Variants in NCLN observed in about 807,000 individuals in gnomAD.
NCLN encodes the protein BOS complex subunit NCLN.
In NCLN, 34 loss-of-function variants were observed where a neutral mutation model predicts 69.5. That is an observed-to-expected ratio of 0.49 (90% CI 0.37 to 0.65). The LOEUF (loss-of-function observed/expected upper bound fraction) is 0.65, where lower values mean the gene tolerates loss of function less well. Ranked by LOEUF, NCLN falls within the 30% of genes least tolerant of loss-of-function variation. The pLI is 0.00. For missense variants in NCLN, 710 were observed against 804.8 expected (o/e 0.88, Z 1.42); for synonymous variants, 393 against 358.3 (o/e 1.10, Z -1.09).
chr19:3,196,931 G>A (rs926444615), intron 4 of NCLN, among the ~76,000 whole-genome samples: 2 of 152,264 alleles, frequency 1.3e-5, no homozygotes, highest in Non-Finnish European at 2.9e-5. Context: ...TGTCGGGGGA[G>A]CCCTGAACAA....
Position 3,192,599 on chromosome 19 carries a change from C to T in NCLN, c.314C>T (p.Ala105Val), listed in dbSNP as rs557023365. ...TACCAGAAGGCCCTGCGGCAGTCGG[C>T]GGGCGCCGTGGTCATCATCCTGCCC... ...EQYQKALRQSAGAVVIILPRA... is the reference protein window; with the variant it reads ...EQYQKALRQSVGAVVIILPRA... The change falls in exon 2 of 15, where the codon GCG becomes GTG. Residue 105 changes from alanine (A) to valine (V), a missense_variant. By Grantham distance (64) the Ala-to-Val change is moderately conservative. Coordinates refer to ENST00000246117, the MANE Select transcript of NCLN (RefSeq NM_020170.4). 2.2e-4 allele frequency: 350 copies of T among 1,604,204 alleles called. No individual in the cohort carries two copies. Among genetic ancestry groups the T allele is most frequent in the Non-Finnish European group, 2.7e-4 (317 of 1,174,936 alleles).
chr19:3,200,602 GC>G (rs1160535968), intron 5 of NCLN, among the ~76,000 whole-genome samples: 4 of 152,252 alleles, frequency 2.6e-5, no homozygotes, highest in African/African-American at 9.6e-5. Context: ...GAGCCACCGA[GC>G]CCAGGCAAAT....
chr19:3,206,871 G>C (rs1916284804), intron 12 of NCLN, among the ~76,000 whole-genome samples: 1 of 152,124 alleles, frequency 6.6e-6, no homozygotes, highest in Admixed American at 6.5e-5. Flanking sequence ...ACCCAGGCTG[G>C]AGTGCAGTGG....
chr19:3,200,336 G>A (rs972159413), intron 5 of NCLN, among the ~76,000 whole-genome samples: 2 of 128,384 alleles, frequency 1.6e-5, no homozygotes, highest in African/African-American at 6.1e-5. Flanking sequence ...TTTTGAGACG[G>A]AGTCTCGCTC....
At position 3,207,046 on chromosome 19, in the gene NCLN, A is replaced by T. The variant is rs1916288638; in HGVS notation, c.1500-152A>T. 5 of 870,736 alleles carry T rather than the reference A, an allele frequency of 5.7e-6. No homozygotes were observed. Among genetic ancestry groups the T allele is most frequent in the Non-Finnish European group, 9.4e-6 (5 of 530,164 alleles). 53.9% of individuals were successfully genotyped at this position (870,736 alleles called of 1,614,324 possible). On this transcript the variant is annotated intron_variant, in intron 12 of 14. Transcript: ENST00000246117. ...ACCGTGTTGGCCAGGTTGGTCTTGAACTCTTGACTTCAAGTGATCCGCCTG... is the reference window on the plus strand; with the variant it reads ...ACCGTGTTGGCCAGGTTGGTCTTGATCTCTTGACTTCAAGTGATCCGCCTG...
At position 3,196,245 on chromosome 19, in the gene NCLN, G is replaced by A; in HGVS notation, c.583G>A (p.Ala195Thr). Residue 195 changes from alanine to threonine, a missense_variant, in exon 4 of 15, where the codon GCC becomes ACC. By Grantham distance (58) the Ala-to-Thr change is moderately conservative. Coordinates refer to ENST00000246117, the MANE Select transcript of NCLN (RefSeq NM_020170.4). The part of the protein sequence containing the change: ...QMVTSGVQSK[A>T]VSDWLIASVE... Reference sequence around the variant, plus strand: ...GGTCACCAGCGGGGTACAGAGCAAGGCCGTGAGTGACTGGCTGATTGCCAG... The same window carrying A: ...GGTCACCAGCGGGGTACAGAGCAAGACCGTGAGTGACTGGCTGATTGCCAG... The A allele has an allele frequency of 6.4e-7, 1 of 1,553,414 alleles. No homozygotes were observed. Among genetic ancestry groups the A allele is most frequent in the Non-Finnish European group, 8.7e-7 (1 of 1,147,654 alleles).
At position 3,206,082 on chromosome 19, in the gene NCLN, C is replaced by T. The variant is rs575280137; in HGVS notation, c.1296+56C>T. ...CCAGCCCCAGCCCTGCCCCCGGCCCCGGCCCCACCCCTGGCCCCAGCCCCA... is the reference window on the plus strand; with the variant it reads ...CCAGCCCCAGCCCTGCCCCCGGCCCTGGCCCCACCCCTGGCCCCAGCCCCA... On this transcript the variant is annotated intron_variant, in intron 10 of 14. Coordinates refer to ENST00000246117, the MANE Select transcript of NCLN (RefSeq NM_020170.4). 22 of 1,589,224 alleles carry T rather than the reference C, an allele frequency of 1.4e-5. No homozygotes were observed. In the African/African-American group the frequency reaches 1.9e-4, roughly 14 times the overall value.
At chr19:3,191,587 C>G (rs1224349624) in intron 1 of NCLN, among the ~76,000 whole-genome samples, 1 of 152,224 alleles carries the variant, frequency 6.6e-6, no homozygotes, top group African/African-American at 2.4e-5. Context: ...AACCTGGGGC[C>G]CATCAACAGG....
chr19:3,199,018 G>A (rs1004414811), intron 5 of NCLN, 121 bp downstream of exon 5: 125 of 624,722 alleles, frequency 2.0e-4, no homozygotes, highest in Non-Finnish European at 2.7e-4. Context: ...CCCTGTGACG[G>A]CCTTTGCCCG....
chr19:3,199,969 G>A (rs1007079270), intron 5 of NCLN, among the ~76,000 whole-genome samples: 2 of 151,978 alleles, frequency 1.3e-5, no homozygotes, highest in South Asian at 4.1e-4. Flanking sequence ...CAAAGTGCTC[G>A]GATTACAGGC....
At chr19:3,190,739 G>GC (rs1232634566) in intron 1 of NCLN, among the ~76,000 whole-genome samples, 2 of 149,510 alleles carry the variant, frequency 1.3e-5, no homozygotes, top group Non-Finnish European at 2.9e-5. Context: ...CCCGCCCCCG[G>GC]CCCCCCTGCG....
chr19:3,194,562 C>G (rs1041572828), intron 3 of NCLN, among the ~76,000 whole-genome samples: 2 of 152,184 alleles, frequency 1.3e-5, no homozygotes, highest in Non-Finnish European at 2.9e-5. Flanking sequence ...GCCGTGGCTG[C>G]GGCAGAGACC....
intron 6 of NCLN, among the ~76,000 whole-genome samples, 184 bp from the exon 7 acceptor site, chr19:3,203,572 A>G (rs1685488299): frequency 6.6e-6 from 1 of 152,150 alleles, no homozygotes; most frequent in South Asian, 2.1e-4. Flanking sequence ...GCCTCACCTC[A>G]GAGAACCATC....
At chr19:3,189,607 G>A (rs1404069140) in intron 1 of NCLN, among the ~76,000 whole-genome samples, 1 of 152,262 alleles carries the variant, frequency 6.6e-6, no homozygotes, top group East Asian at 1.9e-4. Context: ...AGGATGCCCG[G>A]TGCCCTCCAT....
Position 3,207,410 on chromosome 19 carries a change from G to T in NCLN, c.1573G>T (p.Asp525Tyr). Residue 525 changes from aspartate to tyrosine, a missense_variant, in exon 14 of 15, where the codon GAC becomes TAC. Transcript: ENST00000246117. ...NAYRVKPAVFDLLLAVGIAAY... is the reference protein window; with the variant it reads ...NAYRVKPAVFYLLLAVGIAAY... Reference sequence around the variant, plus strand: ...CCACAGAGTCAAGCCGGCCGTCTTTGACCTGCTCCTGGCTGTTGGCATTGC... The same window carrying T: ...CCACAGAGTCAAGCCGGCCGTCTTTTACCTGCTCCTGGCTGTTGGCATTGC... 6.2e-7 allele frequency: 1 copy of T among 1,613,106 alleles called. No homozygotes were observed. Among genetic ancestry groups the T allele is most frequent in the Non-Finnish European group, 8.5e-7 (1 of 1,180,024 alleles).
chr19:3,208,116 C>CCT lies in NCLN; in HGVS notation c.*428_*429insCT. The CCT allele has an allele frequency of 5.4e-6, 1 of 186,330 alleles. No individual in the cohort carries two copies. The highest frequency in any genetic ancestry group is 2.4e-5 in the African/African-American group (1 of 42,322). The allele number at this position is 186,330 out of a possible 1,614,324, so 11.5% of individuals were successfully genotyped here. On this transcript the variant is annotated 3_prime_UTR_variant, in exon 15 of 15. Coordinates refer to ENST00000246117, the MANE Select transcript of NCLN (RefSeq NM_020170.4). ...TGCAGGCCTGACCTGCTCCCTGCTC[C>CCT]GTGTCTGTCCTAGGACGTCCCCTCC...
intron 1 of NCLN, among the ~76,000 whole-genome samples, chr19:3,190,220 C>T (rs1227686870): frequency 6.6e-6 from 1 of 152,174 alleles, no homozygotes; most frequent in Non-Finnish European, 1.5e-5. Flanking sequence ...GAGGGGCCTC[C>T]CAAGGGCAGA....
At position 3,205,828 on chromosome 19, in the gene NCLN, AAAG is replaced by A; in HGVS notation, c.1209-109_1209-107del. 1.3e-6 allele frequency: 1 copy of A among 764,340 alleles called. No individual in the cohort carries two copies. Among genetic ancestry groups the A allele is most frequent in the Non-Finnish European group, 2.0e-6 (1 of 488,650 alleles). The allele number at this position is 764,340 out of a possible 1,614,324, so 47.3% of individuals were successfully genotyped here. On this transcript the variant is annotated intron_variant, in intron 9 of 14. Transcript: ENST00000246117. This position sits in a 1 kb window ranked among gnomAD's most constrained non-coding sequence, Gnocchi z 4.6. ...CTAAGCTTAATTTTTTTTTTTTTTT[AAAG>A]ACAGAGTCTCACGGTCTCCTAGGCT...
rs768318167 is a variant in NCLN, at chr19:3,186,130, G to A, written c.100G>A (p.Ala34Thr). The A allele has an allele frequency of 6.3e-7, 1 of 1,596,812 alleles. No homozygotes were observed. The highest frequency in any genetic ancestry group is 1.4e-5 in the African/African-American group (1 of 72,312). ...CCTGCCCGCTGTGCTGCTGCTGGTGGCGCCGCCGCTGCCTGCCGCCGACGC... is the reference window on the plus strand; with the variant it reads ...CCTGCCCGCTGTGCTGCTGCTGGTGACGCCGCCGCTGCCTGCCGCCGACGC... ...VFLPAVLLLV[A>T]PPLPAADAAH... The change falls in exon 1 of 15, where the codon GCG becomes ACG. Residue 34 changes from alanine (A) to threonine (T), a missense_variant. Transcript: ENST00000246117.
Sources: gnomAD v4.1 joint callset for allele counts (sites outside exome capture counted in the v4.1 genomes callset) on GRCh38, gnomAD v4.1.1 for gene constraint, Gnocchi (gnomAD v3.1) non-coding constraint, MANE v1.5 for transcripts, NCBI Gene and HGNC (gene_info 2026-07-23, HGNC 2026-07-21) for gene names.